Variants in MGST2 observed in about 807,000 individuals in gnomAD.
MGST2 encodes glutathione peroxidase MGST2.
A neutral mutation model predicts 16.6 loss-of-function variants in MGST2; 9 were observed. That is an observed-to-expected ratio of 0.54 (90% CI 0.33 to 0.95). The LOEUF (loss-of-function observed/expected upper bound fraction) is 0.95. Among genes scored for constraint, MGST2 ranks in the 40% least tolerant of loss-of-function variants. The pLI is 0.03. For missense variants in MGST2, 159 were observed against 175.1 expected (o/e 0.91, Z 0.52); for synonymous variants, 79 against 68.0 (o/e 1.16, Z -0.79).
rs746219761 is a variant in MGST2, at chr4:139,666,114, GTGCGT to G, written c.58+38_58+42del. ...GGGAAGTTCGTGTGTGTGCGCGTGT[GTGCGT>G]GTGTGTGTGTGTGTGACAAGGCTTG... On this transcript the variant is annotated intron_variant, in intron 1 of 4. Transcript: ENST00000265498. The G allele has an allele frequency of 3.0e-6, 4 of 1,350,438 alleles. No individual in the cohort carries two copies. The South Asian group carries it at 4.1e-5, about 14-fold the overall frequency. The allele number at this position is 1,350,438 out of a possible 1,614,324, so 83.7% of individuals were successfully genotyped here. A position where few individuals can be genotyped will look rare whatever the true frequency, so the allele number is the denominator to read the frequency against.
chr4:139,680,777 C>T (rs1257551876), intron 2 of MGST2, among the ~76,000 whole-genome samples: 2 of 152,086 alleles, frequency 1.3e-5, no homozygotes, highest in Non-Finnish European at 2.9e-5. Flanking sequence ...AAATCCTTAC[C>T]CTTAGAGTTT....
At chr4:139,738,753 G>A (rs977693086) in intron 5 of MGST2, among the ~76,000 whole-genome samples, 6 of 151,900 alleles carry the variant, frequency 3.9e-5, no homozygotes, top group Non-Finnish European at 1.5e-5. Context: ...TAGAAAAAAA[G>A]TATACAGAAA....
In MGST2 at chr4:139,730,570, C is replaced by T. The variant is rs188364696; in HGVS notation, c.*49-9642C>T. 8 of 1,601,526 alleles carry T rather than the reference C, an allele frequency of 5.0e-6. No homozygotes were observed. The Admixed American group carries it at 1.0e-4, about 21-fold the overall frequency. On this transcript the variant is annotated intron_variant, in intron 5 of 5. Transcript: ENST00000616265. ...GGGCTGGCTGCCCAGGAAGCCGGGG[C>T]CTGCGGGACTGGCTCCTGAGACCAT...
intron 1 of MGST2, among the ~76,000 whole-genome samples, chr4:139,675,320 A>G (rs1027442589): frequency 1.1e-4 from 16 of 152,120 alleles, no homozygotes; most frequent in African/African-American, 3.6e-4. Flanking sequence ...GAAGTTTATT[A>G]TGGGGTGAAA....
At chr4:139,700,297 A>G (rs1353705969) in intron 3 of MGST2, among the ~76,000 whole-genome samples, 2 of 151,442 alleles carry the variant, frequency 1.3e-5, no homozygotes, top group South Asian at 2.1e-4. Flanking sequence ...ACGCCCAGCT[A>G]ATTTTTCGTA....
intron 5 of MGST2, among the ~76,000 whole-genome samples, chr4:139,731,689 T>C (rs983584511): frequency 6.6e-6 from 1 of 152,154 alleles, no homozygotes; most frequent in East Asian, 1.9e-4. Flanking sequence ...CTCTTGATTC[T>C]ATAATTATAT....
intron 2 of MGST2, among the ~76,000 whole-genome samples, chr4:139,681,675 G>A (rs1731248606): frequency 6.6e-6 from 1 of 152,028 alleles, no homozygotes; most frequent in Admixed American, 6.5e-5. Flanking sequence ...AAAATTCTCT[G>A]TAACATTTCT....
At position 139,735,002 on chromosome 4, in the gene MGST2, G is replaced by T. The variant is rs1174095423; in HGVS notation, c.*49-5210G>T. Among the ~76,000 whole-genome samples, 2 of 152,332 alleles carry T rather than the reference G, an allele frequency of 1.3e-5. No individual in the cohort carries two copies. Among genetic ancestry groups the T allele is most frequent in the African/African-American group, 4.8e-5 (2 of 41,592 alleles). On this transcript the variant is annotated intron_variant, in intron 5 of 5. Coordinates refer to the MGST2 transcript ENST00000616265. The surrounding 1 kb of genome is among the most constrained non-coding windows in gnomAD (Gnocchi z 5.8). ...GATGGTGGTGTCAGCCCGGCCTCGT[G>T]CCCGGCCGCCGCTGCGCCCGCGCCC...
intron 2 of MGST2, among the ~76,000 whole-genome samples, chr4:139,692,097 G>T (rs1202570937): frequency 1.3e-5 from 2 of 152,170 alleles, no homozygotes; most frequent in Non-Finnish European, 2.9e-5. Context: ...AGGGACCAGG[G>T]TGAAAGTACA....
chr4:139,677,658 C>A (rs192076131), intron 1 of MGST2, among the ~76,000 whole-genome samples: 1 of 152,152 alleles, frequency 6.6e-6, no homozygotes, highest in East Asian at 1.9e-4. Flanking sequence ...TGCACCACCA[C>A]GTCCAGCAAA....
chr4:139,684,476 A>T (rs1188536503), intron 2 of MGST2, among the ~76,000 whole-genome samples: 1 of 152,236 alleles, frequency 6.6e-6, no homozygotes, highest in East Asian at 1.9e-4. Context: ...AGGAGATCTT[A>T]GAGGTTTTAC....
intron 5 of MGST2, among the ~76,000 whole-genome samples, chr4:139,714,624 G>T (rs1190492159): frequency 1.3e-5 from 2 of 152,216 alleles, no homozygotes; most frequent in African/African-American, 4.8e-5. Context: ...CCTCAGGTGG[G>T]CCCTGTCATC....
At chr4:139,689,429 C>T (rs972459561) in intron 2 of MGST2, among the ~76,000 whole-genome samples, 5 of 152,152 alleles carry the variant, frequency 3.3e-5, no homozygotes, top group East Asian at 1.9e-4. Flanking sequence ...GACAGTTACA[C>T]GTCTTTATAA....
chr4:139,667,133 C>T (rs778185904), intron 1 of MGST2, among the ~76,000 whole-genome samples: 3 of 151,744 alleles, frequency 2.0e-5, no homozygotes, highest in Admixed American at 6.6e-5. Context: ...CATGGGGAAC[C>T]GGAATAGGTT....
chr4:139,718,194 C>T (rs946527141), intron 5 of MGST2: 3 of 152,234 alleles, frequency 2.0e-5, no homozygotes, highest in African/African-American at 7.2e-5. Context: ...AAAAAACCGA[C>T]TCCCAAACAT....
chr4:139,681,563 C>T (rs1261516802), intron 2 of MGST2, among the ~76,000 whole-genome samples: 4 of 152,094 alleles, frequency 2.6e-5, no homozygotes, highest in African/African-American at 9.7e-5. Flanking sequence ...TTTTTATTCT[C>T]TGATTGCTTT....
chr4:139,716,336 A>G (rs1221030145), intron 5 of MGST2, among the ~76,000 whole-genome samples: 1 of 152,210 alleles, frequency 6.6e-6, no homozygotes, highest in Non-Finnish European at 1.5e-5. Context: ...AGTGCTCACT[A>G]CAGTGGAACA....
At chr4:139,678,450 A>G (rs1731072188) in intron 1 of MGST2, 93 bp from the exon 2 acceptor site, 7 of 862,042 alleles carry the variant, frequency 8.1e-6, no homozygotes, top group Middle Eastern at 2.1e-4. Flanking sequence ...TGTAATAGGT[A>G]TGTAGTACTA....
intron 5 of MGST2, among the ~76,000 whole-genome samples, chr4:139,713,012 C>T (rs529743526): frequency 6.6e-6 from 1 of 152,354 alleles, no homozygotes; most frequent in South Asian, 2.1e-4. Flanking sequence ...TTGTTCACAG[C>T]AGTATGCTTT....
Sources: gnomAD v4.1 joint callset for allele counts (sites outside exome capture counted in the v4.1 genomes callset) on GRCh38, gnomAD v4.1.1 for gene constraint, Gnocchi (gnomAD v3.1) non-coding constraint, MANE v1.5 for transcripts, NCBI Gene and HGNC (gene_info 2026-07-23, HGNC 2026-07-21) for gene names.